The following CSMD1 variants were observed in gnomAD, a reference collection of about 807,000 sequenced individuals.
CSMD1 encodes the protein CUB and Sushi multiple domains 1.
In CSMD1, 213 loss-of-function variants were observed where a neutral mutation model predicts 417.5. The observed-to-expected ratio is 0.51, with a 90% CI of 0.46 to 0.57. The LOEUF (loss-of-function observed/expected upper bound fraction) is 0.57, where lower values mean the gene tolerates loss of function less well. Among genes scored for constraint, CSMD1 ranks in the 20% least tolerant of loss-of-function variants. The pLI, the probability that CSMD1 is intolerant of heterozygous loss-of-function variation, is 0.00. For missense variants in CSMD1, 6,923 were observed against 4,529.7 expected (o/e 1.53, Z -15.17); for synonymous variants, 2,862 against 1,736.8 (o/e 1.65, Z -16.11).
chr8:4,131,245 T>A (rs1377253480), intron 3 of CSMD1, among the ~76,000 whole-genome samples: 9 of 152,134 alleles, frequency 5.9e-5, no homozygotes. Flanking sequence ...TGTGGCTGAG[T>A]ACAGAAAGGT....
intron 3 of CSMD1, among the ~76,000 whole-genome samples, chr8:4,144,188 G>A (rs112383501): frequency 6.6e-6 from 1 of 151,112 alleles, no homozygotes. Context: ...ATTGGCCTTA[G>A]ACCTCCTGCC....
At position 4,020,550 on chromosome 8, in the gene CSMD1, A is replaced by G. The variant is rs577195951; in HGVS notation, c.610+11355T>C. Among the ~76,000 whole-genome samples the G allele has an allele frequency of 2.6e-5, 4 of 152,338 alleles. No homozygotes were observed. The South Asian group carries it at 6.2e-4, about 24-fold the overall frequency. ...GGTGAACATCTCAGATAAGAAGAAT[A>G]CATAACCAAGATGGAGAAGTCTGAG... On this transcript the variant is annotated intron_variant, in intron 4 of 69. Transcript: ENST00000635120.
intron 4 of CSMD1, among the ~76,000 whole-genome samples, chr8:4,027,860 A>G (rs1003510392): frequency 9.2e-5 from 14 of 152,218 alleles, no homozygotes; most frequent in African/African-American, 3.1e-4. Flanking sequence ...TAAAAATTAA[A>G]TAAATAAAGA....
rs548458735 is a variant in CSMD1 at position 3,309,481 on chromosome 8, G to A, written c.3632-978C>T. On this transcript the variant is annotated intron_variant, in intron 23 of 69. Transcript: ENST00000635120. ...AGCTCTTAAACTCAAAGAAATAGAT[G>A]ACAGAAATGAAGATTTAGCTTCTGC... Among the ~76,000 whole-genome samples the A allele has an allele frequency of 6.6e-5, 10 of 152,270 alleles. No homozygotes were observed. The South Asian group carries it at 1.9e-3, about 28-fold the overall frequency.
chr8:3,929,149 C>G (rs754259582), intron 5 of CSMD1, among the ~76,000 whole-genome samples: 4 of 150,218 alleles, frequency 2.7e-5, no homozygotes, highest in Non-Finnish European at 5.9e-5. Flanking sequence ...CTACTGCCCC[C>G]TCTGGAAGGA....
At chr8:4,129,091 A>C (rs902757864) in intron 3 of CSMD1, among the ~76,000 whole-genome samples, 3 of 140,424 alleles carry the variant, frequency 2.1e-5, no homozygotes, top group African/African-American at 5.1e-5. Flanking sequence ...AAAAAAAAAA[A>C]ACAAAACAAA....
chr8:4,727,396 C>G (rs1416271327), intron 1 of CSMD1, among the ~76,000 whole-genome samples: 5 of 152,154 alleles, frequency 3.3e-5, no homozygotes, highest in Admixed American at 1.3e-4. Flanking sequence ...CTTTGGAAAA[C>G]TCCATAAGTG....
chr8:4,830,175 T>C (rs1163537404), intron 1 of CSMD1, among the ~76,000 whole-genome samples: 1 of 152,188 alleles, frequency 6.6e-6, no homozygotes, highest in Non-Finnish European at 1.5e-5. Context: ...AAGAGTCTTG[T>C]TTACAGCAAT....
intron 17 of CSMD1, among the ~76,000 whole-genome samples, chr8:3,391,804 T>C (rs185507051): frequency 1.6e-4 from 25 of 152,334 alleles, no homozygotes; most frequent in Admixed American, 3.3e-4. Flanking sequence ...GTAGAGATCA[T>C]TGGCATGGGC....
intron 2 of CSMD1, among the ~76,000 whole-genome samples, chr8:4,575,323 T>C (rs530006913): frequency 6.6e-6 from 1 of 152,350 alleles, no homozygotes; most frequent in East Asian, 1.9e-4. Context: ...AATGTGATTC[T>C]GCAAAGTGGC....
At chr8:4,540,217 T>C (rs897827273) in intron 2 of CSMD1, among the ~76,000 whole-genome samples, 1 of 152,206 alleles carries the variant, frequency 6.6e-6, no homozygotes, top group African/African-American at 2.4e-5. Context: ...TTTAAACTGC[T>C]GCTGGTTTGC....
At chr8:3,733,900 A>C (rs1360276009) in intron 6 of CSMD1, among the ~76,000 whole-genome samples, 1 of 152,194 alleles carries the variant, frequency 6.6e-6, no homozygotes, top group Non-Finnish European at 1.5e-5. Flanking sequence ...CGAGAAAAGC[A>C]TAGTTTATGT....
intron 1 of CSMD1, among the ~76,000 whole-genome samples, chr8:4,721,710 A>T (rs1370634857): frequency 5.3e-5 from 8 of 152,142 alleles, no homozygotes; most frequent in Admixed American, 5.2e-4. Flanking sequence ...GTTGTATCTA[A>T]AACCAAAGGA....
At chr8:4,066,638 C>G (rs1315873711) in intron 3 of CSMD1, among the ~76,000 whole-genome samples, 3 of 152,188 alleles carry the variant, frequency 2.0e-5, no homozygotes, top group African/African-American at 4.8e-5. Context: ...ACTAACAGCT[C>G]TTTGTGGATG....
At chr8:2,978,032 T>G (rs1805082581) in intron 55 of CSMD1, among the ~76,000 whole-genome samples, 1 of 152,144 alleles carries the variant, frequency 6.6e-6, no homozygotes, top group South Asian at 2.1e-4. Flanking sequence ...CTCAAAGACC[T>G]AGAATAAGAA....
chr8:3,487,931 G>C (rs1469962141), intron 11 of CSMD1, among the ~76,000 whole-genome samples: 2 of 151,798 alleles, frequency 1.3e-5, no homozygotes, highest in African/African-American at 2.4e-5. Flanking sequence ...TTTTAAACTT[G>C]TTTGCATCCC....
At chr8:4,131,376 T>G (rs543027181) in intron 3 of CSMD1, among the ~76,000 whole-genome samples, 1 of 152,156 alleles carries the variant, frequency 6.6e-6, no homozygotes, top group Non-Finnish European at 1.5e-5. Flanking sequence ...AATAATATTC[T>G]AATCACATCC....
At chr8:4,249,848 C>T (rs1802947401) in intron 3 of CSMD1, among the ~76,000 whole-genome samples, 1 of 152,088 alleles carries the variant, frequency 6.6e-6, no homozygotes, top group African/African-American at 2.4e-5. Context: ...AATGTGTCCC[C>T]TGACCCCCGG....
At chr8:3,520,940 C>T (rs942348477) in intron 10 of CSMD1, among the ~76,000 whole-genome samples, 1 of 152,082 alleles carries the variant, frequency 6.6e-6, no homozygotes, top group Non-Finnish European at 1.5e-5. Flanking sequence ...TTGTTGGTTC[C>T]TCCTTTGCTC....
Sources: allele counts gnomAD v4.1 joint callset (sites outside exome capture counted in the v4.1 genomes callset), GRCh38; gene constraint gnomAD v4.1.1; transcripts MANE v1.5; gene names NCBI Gene and HGNC (gene_info 2026-07-23, HGNC 2026-07-21).